Variants in DNAH1 observed in about 807,000 individuals in gnomAD.
The protein encoded by DNAH1 is dynein axonemal heavy chain 1.
A neutral mutation model predicts 484.3 loss-of-function variants in DNAH1; 327 were observed. That is an observed-to-expected ratio of 0.68 (90% CI 0.62 to 0.74). The LOEUF (loss-of-function observed/expected upper bound fraction) is 0.74, where lower values mean the gene tolerates loss of function less well. DNAH1 is among the 30% of genes least tolerant of loss of function. The pLI is 0.00. For synonymous variants in DNAH1, 2,192 were observed against 2,191.9 expected, an observed-to-expected ratio of 1.00 and a Z score of 0.00; for missense variants, 5,052 against 5,546.8, an observed-to-expected ratio of 0.91 and a Z score of 2.83.
intron 22 of DNAH1, among the ~76,000 whole-genome samples, chr3:52,357,145 G>T (rs2153224197): frequency 6.6e-6 from 1 of 151,884 alleles, no homozygotes; most frequent in South Asian, 2.1e-4. Context: ...CCTCCCGGAG[G>T]CTGAGACAGG....
At chr3:52,341,530 C>CTTTT (rs55645528) in intron 8 of DNAH1, among the ~76,000 whole-genome samples, 11 of 101,164 alleles carry the variant, frequency 1.1e-4, no homozygotes, top group African/African-American at 1.3e-4. Flanking sequence ...TTGACTTTGA[C>CTTTT]TTTTTTTTTT....
At position 52,395,818 on chromosome 3, in the gene DNAH1, C is replaced by G; in HGVS notation, c.11259+140C>G. On this transcript the variant is annotated intron_variant, in intron 70 of 77. Transcript: ENST00000420323. This position sits in a 1 kb window ranked among gnomAD's most constrained non-coding sequence, Gnocchi z 4.4. The stretch of plus-strand genomic sequence containing the variant: ...GCAAGTGCTCAGCAACTGACATGTG[C>G]CACACATCGACATCATTAATCCTCT... 4 of 1,237,662 alleles carry G rather than the reference C, an allele frequency of 3.2e-6. No homozygotes were observed. Among genetic ancestry groups the G allele is most frequent in the Non-Finnish European group, 4.5e-6 (4 of 889,888 alleles). 76.7% of individuals were successfully genotyped at this position (1,237,662 alleles called of 1,614,324 possible).
At chr3:52,335,404 A>ATTT (rs34295466) in intron 8 of DNAH1, among the ~76,000 whole-genome samples, 4 of 73,748 alleles carry the variant, frequency 5.4e-5, no homozygotes, top group African/African-American at 2.5e-4. Context: ...GCAATGTGTG[A>ATTT]TTTTTTTTTT....
Position 52,360,005 on chromosome 3 carries a change from C to T in DNAH1, c.4497C>T (p.Ala1499=). ...CGCTAATCGTCATTGAGGTCCATGC[C>T]AAGGACGTGGTGAGCAAGCTAATCC... ...LSALIVIEVH[A]KDVVSKLIQE... is the part of the protein sequence containing the mutation. The change falls in exon 27 of 78, where the codon GCC becomes GCT. Residue 1499 remains alanine, a synonymous_variant. Transcript: ENST00000420323. The T allele has an allele frequency of 6.2e-7, 1 of 1,613,944 alleles. No homozygotes were observed. Among genetic ancestry groups the T allele is most frequent in the Non-Finnish European group, 8.5e-7 (1 of 1,179,898 alleles).
chr3:52,372,144 C>T, intron 42 of DNAH1, 58 bp downstream of exon 42: 2 of 1,609,608 alleles, frequency 1.2e-6, no homozygotes, highest in Non-Finnish European at 1.7e-6. Flanking sequence ...TGGGGGTTGA[C>T]CAGCCTCCCA....
At position 52,326,443 on chromosome 3, in the gene DNAH1, T is replaced by C. The variant is rs540396977; in HGVS notation, c.581+129T>C. 6.3e-5 allele frequency: 76 copies of C among 1,207,510 alleles called. No homozygotes were observed. In the East Asian group the frequency reaches 1.8e-3, roughly 29 times the overall value. The allele number at this position is 1,207,510 out of a possible 1,614,324, so 74.8% of individuals were successfully genotyped here. A position where few individuals can be genotyped will look rare whatever the true frequency, so the allele number is the denominator to read the frequency against. Reference sequence around the variant, plus strand: ...CCTGTGCACAAGTGTTTAGATCGAATCTTCTAGCCCTTTGGTGTCTTAATA... The same window carrying C: ...CCTGTGCACAAGTGTTTAGATCGAACCTTCTAGCCCTTTGGTGTCTTAATA... On this transcript the variant is annotated intron_variant, in intron 4 of 77. Transcript: ENST00000420323.
rs757791993 is a variant in DNAH1 at position 52,395,938 on chromosome 3, CTT to C, written c.11259+277_11259+278del. ...CCGTGACCTGGGACTTGCCAAAGCC[CTT>C]TTTTTTTTTTTTTTTTCAGACGGAG... is the stretch of plus-strand genomic sequence containing the variant. On this transcript the variant is annotated intron_variant, in intron 70 of 77. Transcript: ENST00000420323. The surrounding 1 kb of genome is among the most constrained non-coding windows in gnomAD (Gnocchi z 4.4). 6.0e-5 allele frequency among the ~76,000 whole-genome samples: 8 copies of C among 133,034 alleles called. No homozygotes were observed. The highest frequency in any genetic ancestry group is 7.9e-5 in the Non-Finnish European group (5 of 63,082). 87.3% of individuals were successfully genotyped at this position (133,034 alleles called of 152,430 possible).
At chr3:52,365,981 C>CTTGGGCCAAAG (rs1173999555) in intron 34 of DNAH1, among the ~76,000 whole-genome samples, 2 of 152,264 alleles carry the variant, frequency 1.3e-5, no homozygotes, top group Admixed American at 1.3e-4. Flanking sequence ...CACCACCCTT[C>CTTGGGCCAAAG]TTGGGCCAAA....
Position 52,386,163 on chromosome 3 carries a change from G to A in DNAH1, c.8629G>A (p.Asp2877Asn), listed in dbSNP as rs774016889. ...TCCCTATGTCTCCCATCCCCAGGTGGATACGGCCATCGCCGAGGAGACCCG... is the reference window on the plus strand; with the variant it reads ...TCCCTATGTCTCCCATCCCCAGGTGAATACGGCCATCGCCGAGGAGACCCG... ...TMLTMEQIKV[D>N]TAIAEETRNS... Residue 2877 changes from aspartate to asparagine, a missense_variant, in exon 55 of 78, where the codon GAT (aspartate) becomes AAT (asparagine). This residue lies in a region of DNAH1 where 2,929 missense variants were observed against 3,409.4 expected (regional missense o/e 0.86). Transcript: ENST00000420323. The A allele has an allele frequency of 7.4e-6, 12 of 1,612,324 alleles. No individual in the cohort carries two copies. In the African/African-American group the frequency reaches 1.5e-4, roughly 20 times the overall value.
At chr3:52,388,963 G>A in intron 59 of DNAH1, 26 bp downstream of exon 59, 2 of 1,561,566 alleles carry the variant, frequency 1.3e-6, no homozygotes, top group Non-Finnish European at 1.7e-6. Flanking sequence ...CTCTGTCTCT[G>A]ACCAGCCTCG....
At position 52,355,211 on chromosome 3, in the gene DNAH1, G is replaced by A. The variant is rs1702561183; in HGVS notation, c.3693+156G>A. On this transcript the variant is annotated intron_variant, in intron 21 of 77. Coordinates refer to ENST00000420323, the MANE Select transcript of DNAH1 (RefSeq NM_015512.5). This position sits in a 1 kb window ranked among gnomAD's most constrained non-coding sequence, Gnocchi z 4.5. ...GCTCTCTGGCAGGCCCCGCCCTACT[G>A]CATTCAGAGGAGGGCAACTAGGATG... Among the ~76,000 whole-genome samples, 1 of 152,214 alleles carries A rather than the reference G, an allele frequency of 6.6e-6. No individual in the cohort carries two copies. Among genetic ancestry groups the A allele is most frequent in the African/African-American group, 2.4e-5 (1 of 41,442 alleles).
chr3:52,367,651 C>T (rs1476891047), intron 36 of DNAH1, among the ~76,000 whole-genome samples: 2 of 152,012 alleles, frequency 1.3e-5, no homozygotes, highest in Non-Finnish European at 2.9e-5. Flanking sequence ...CTCGGCTCAC[C>T]GCAACCTCTG....
rs1040493370 is a variant in DNAH1 at position 52,385,373 on chromosome 3, G to A, written c.8551G>A (p.Glu2851Lys). 2.6e-6 allele frequency: 4 copies of A among 1,552,690 alleles called. No homozygotes were observed. The highest frequency in any genetic ancestry group is 2.7e-5 in the African/African-American group (2 of 73,082). ...RTSEDVAKMQEDLESMHPLLE... is the reference protein window; with the variant it reads ...RTSEDVAKMQKDLESMHPLLE... ...TTCTGAGGATGTAGCCAAGATGCAGGAGGACCTGGAGAGTATGCACCCCCT... is the reference window on the plus strand; with the variant it reads ...TTCTGAGGATGTAGCCAAGATGCAGAAGGACCTGGAGAGTATGCACCCCCT... Residue 2851 changes from glutamate to lysine, a missense_variant, in exon 54 of 78, where the codon GAG becomes AAG. By Grantham distance (56) the Glu-to-Lys change is moderately conservative. Transcript: ENST00000420323.
At position 52,358,615 on chromosome 3, in the gene DNAH1, G is replaced by C. The variant is rs1702717091; in HGVS notation, c.4144G>C (p.Val1382Leu). ...CATGTACTCAGCCGAGGGGGAGGAG[G>C]TACAGTTGTGCTTCTCCATCTACCC... ...THMYSAEGEE[V>L]QLCFSIYPSS... Residue 1382 changes from valine to leucine, a missense_variant, in exon 25 of 78, where the codon GTA (valine) becomes CTA (leucine). Physicochemically the swap from Val to Leu is conservative, Grantham distance 32. Transcript: ENST00000420323. The surrounding 1 kb of genome is among the most constrained non-coding windows in gnomAD (Gnocchi z 4.2). The C allele has an allele frequency of 6.2e-7, 1 of 1,613,180 alleles. No homozygotes were observed. The highest frequency in any genetic ancestry group is 1.3e-5 in the African/African-American group (1 of 74,906).
chr3:52,389,426 A>G (rs774495777), intron 59 of DNAH1, 35 bp from the exon 60 acceptor site: 2 of 1,610,262 alleles, frequency 1.2e-6, no homozygotes, highest in Non-Finnish European at 1.7e-6. Context: ...TGTGAGTGTC[A>G]TGGTGGGGTG....
In DNAH1 at chr3:52,398,914, C is replaced by T. The variant is rs780895741; in HGVS notation, c.12154C>T (p.Leu4052=). The part of the protein sequence containing the change: ...LQDLLKALKG[L]VVMSSQLELM... Reference sequence around the variant, plus strand: ...AGACCTACTCAAGGCACTCAAGGGGCTGGTAGTGATGTCCTCTCAGCTGGA... The same window carrying T: ...AGACCTACTCAAGGCACTCAAGGGGTTGGTAGTGATGTCCTCTCAGCTGGA... Residue 4052 remains leucine, a synonymous_variant, in exon 76 of 78, where the codon CTG becomes TTG. Coordinates refer to ENST00000420323, the MANE Select transcript of DNAH1 (RefSeq NM_015512.5). 6.2e-7 allele frequency: 1 copy of T among 1,610,054 alleles called. No individual in the cohort carries two copies. Among genetic ancestry groups the T allele is most frequent in the Admixed American group, 1.7e-5 (1 of 59,758 alleles).
intron 65 of DNAH1, 129 bp downstream of exon 65, chr3:52,393,154 A>C: frequency 1.4e-6 from 2 of 1,409,640 alleles, no homozygotes; most frequent in South Asian, 1.3e-5. Context: ...CTCACAATAC[A>C]TAAGAATGCA....
chr3:52,341,530 C>CT (rs55645528), intron 8 of DNAH1, among the ~76,000 whole-genome samples: 3,110 of 101,036 alleles, frequency 0.031, 49 homozygotes, highest in Non-Finnish European at 0.039. Context: ...TTGACTTTGA[C>CT]TTTTTTTTTT....
At chr3:52,348,067 T>TCACAGGCCTCCTGTCGGGCAGGCAGCATG in intron 12 of DNAH1, 93 bp downstream of exon 12, 3 of 1,324,198 alleles carry the variant, frequency 2.3e-6, no homozygotes, top group Non-Finnish European at 3.1e-6. Flanking sequence ...TTCAACTGTA[T>TCACAGGCCTCCTGTCGGGCAGGCAGCATG]CACAGGCCTC....
Sources: gnomAD v4.1 joint callset for allele counts (sites outside exome capture counted in the v4.1 genomes callset) on GRCh38, gnomAD v4.1.1 for gene constraint, gnomAD v4.1.1 regional missense constraint, Gnocchi (gnomAD v3.1) non-coding constraint, MANE v1.5 for transcripts, NCBI Gene and HGNC (gene_info 2026-07-23, HGNC 2026-07-21) for gene names.